OSBPL5: variants seen among roughly 807,000 people sequenced by gnomAD.
OSBPL5 encodes oxysterol binding protein like 5.
OSBPL5 carries 71 observed loss-of-function variants against 111.2 expected under a neutral mutation model. The ratio of observed to expected loss-of-function variants is 0.64; its 90% confidence interval spans 0.53 to 0.78. The LOEUF (loss-of-function observed/expected upper bound fraction) is 0.78, where lower values mean the gene tolerates loss of function less well. Ranked by LOEUF, OSBPL5 falls within the 30% of genes least tolerant of loss-of-function variation. OSBPL5 has a pLI of 0.00. For missense variants in OSBPL5, 1,210 were observed against 1,189.3 expected, an observed-to-expected ratio of 1.02 and a Z score of -0.26; for synonymous variants, 549 against 513.9, an observed-to-expected ratio of 1.07 and a Z score of -0.93.
intron 15 of OSBPL5, 136 bp downstream of exon 15, chr11:3,094,101 G>C: frequency 2.3e-6 from 2 of 866,946 alleles, no homozygotes; most frequent in Non-Finnish European, 1.8e-6. Context: ...TCTGTGTTCC[G>C]GGATGTCAAC....
chr11:3,097,443 G>A (rs1412892500), intron 14 of OSBPL5, among the ~76,000 whole-genome samples: 2 of 152,136 alleles, frequency 1.3e-5, no homozygotes, highest in Non-Finnish European at 2.9e-5. Context: ...GTAAGTTTGG[G>A]ATTCAAATCT....
At position 3,087,884 on chromosome 11, in the gene OSBPL5, T is replaced by A; in HGVS notation, c.*321A>T. On this transcript the variant is annotated 3_prime_UTR_variant, in exon 22 of 22. Transcript: ENST00000263650. ...GGCCCTCCCACCCTAAATCCATCCATCCCCCATGGCAAGTGGAGGCCGGAC... is the reference window on the plus strand; with the variant it reads ...GGCCCTCCCACCCTAAATCCATCCAACCCCCATGGCAAGTGGAGGCCGGAC... 2 of 215,618 alleles carry A rather than the reference T, an allele frequency of 9.3e-6. No homozygotes were observed. The highest frequency in any genetic ancestry group is 1.8e-5 in the Non-Finnish European group (2 of 109,950). The allele number at this position is 215,618 out of a possible 1,614,324, so 13.4% of individuals were successfully genotyped here.
Position 3,163,108 on chromosome 11 carries a change from G to A in OSBPL5, c.-22+2108C>T, listed in dbSNP as rs185985414. ...CGGCCCCTCTACAACCCCCTGTCCC[G>A]GAGGTCAGAGCTTCCAGCTCCCCAG... On this transcript the variant is annotated intron_variant, in intron 1 of 21. Transcript: ENST00000263650. 1.6e-4 allele frequency among the ~76,000 whole-genome samples: 25 copies of A among 152,292 alleles called. No homozygotes were observed. In the South Asian group the frequency reaches 2.7e-3, roughly 16 times the overall value.
At chr11:3,151,881 G>C (rs529898318) in intron 1 of OSBPL5, among the ~76,000 whole-genome samples, 79 of 152,324 alleles carry the variant, frequency 5.2e-4, no homozygotes, top group Admixed American at 1.8e-3. Context: ...CTGTTCCTCC[G>C]GCTGCTCCTG....
chr11:3,103,833 A>AGCCTCTGCTGCCCCTTCCT (rs1857583581), intron 10 of OSBPL5, among the ~76,000 whole-genome samples: 1 of 79,334 alleles, frequency 1.3e-5, no homozygotes, highest in African/African-American at 4.2e-5. Context: ...GCCCCCTTCC[A>AGCCTCTGCTGCCCCTTCCT]GCCTCTGCAG....
At chr11:3,156,152 C>T (rs1309572916) in intron 1 of OSBPL5, among the ~76,000 whole-genome samples, 2 of 152,136 alleles carry the variant, frequency 1.3e-5, no homozygotes, top group Admixed American at 1.3e-4. Context: ...CAGGCCCCAT[C>T]TCGCTGGGCT....
rs150510678 is a variant in OSBPL5, at chr11:3,096,451, T to C, written c.1622-2117A>G. Among the ~76,000 whole-genome samples the C allele has an allele frequency of 6.2e-3, 947 of 152,156 alleles. 8 individuals are homozygous for C. Among genetic ancestry groups the C allele is most frequent in the African/African-American group, 0.021 (892 of 41,496 alleles). On this transcript the variant is annotated intron_variant, in intron 14 of 21. Coordinates refer to ENST00000263650, the MANE Select transcript of OSBPL5 (RefSeq NM_020896.4). Reference sequence around the variant, plus strand: ...CTGGCCAACATGGTGAAACCCTATCTCTACTAAAAATACAAAAATTAGCTA... The same window carrying C: ...CTGGCCAACATGGTGAAACCCTATCCCTACTAAAAATACAAAAATTAGCTA...
At chr11:3,101,579 G>A in intron 13 of OSBPL5, 24 bp downstream of exon 13, 2 of 1,597,922 alleles carry the variant, frequency 1.3e-6, no homozygotes, top group Non-Finnish European at 1.7e-6. Flanking sequence ...AGGCCCCAGG[G>A]AGCGCCCAGG....
At chr11:3,103,777 CTCTGCAGT>C (rs1369903981) in intron 10 of OSBPL5, among the ~76,000 whole-genome samples, 7 of 59,756 alleles carry the variant, frequency 1.2e-4, no homozygotes, top group Non-Finnish European at 2.4e-4. Context: ...CCCTTCCAGC[CTCTGCAGT>C]CCCTTCCTGC....
At chr11:3,153,232 G>C (rs1846646480) in intron 1 of OSBPL5, among the ~76,000 whole-genome samples, 1 of 152,250 alleles carries the variant, frequency 6.6e-6, no homozygotes, top group South Asian at 2.1e-4. Flanking sequence ...TATGGCATAG[G>C]GTTGTTTCAA....
chr11:3,150,880 C>T lies in OSBPL5; in HGVS notation c.-22+14336G>A, dbSNP rs143116711. Among the ~76,000 whole-genome samples the T allele has an allele frequency of 1.1e-3, 164 of 152,308 alleles. 1 individual carries two copies. Among genetic ancestry groups the T allele is most frequent in the African/African-American group, 3.7e-3 (155 of 41,574 alleles). On this transcript the variant is annotated intron_variant, in intron 1 of 21. Coordinates refer to ENST00000263650, the MANE Select transcript of OSBPL5 (RefSeq NM_020896.4). ...CCACCCCTGGTCTTTCTACAGGTTCCGATCCTAGTCCGTCTTCCCAGGAGT... is the reference window on the plus strand; with the variant it reads ...CCACCCCTGGTCTTTCTACAGGTTCTGATCCTAGTCCGTCTTCCCAGGAGT...
Position 3,102,220 on chromosome 11 carries a change from G to C in OSBPL5, c.1388C>G (p.Pro463Arg), listed in dbSNP as rs1053543544. 3.7e-6 allele frequency: 6 copies of C among 1,609,018 alleles called. No individual in the cohort carries two copies. The Admixed American group carries it at 8.5e-5, about 23-fold the overall frequency. Residue 463 changes from proline (P) to arginine (R), a missense_variant, in exon 12 of 22, where the codon CCG becomes CGG. Coordinates refer to ENST00000263650, the MANE Select transcript of OSBPL5 (RefSeq NM_020896.4). The stretch of plus-strand genomic sequence containing the variant: ...GTAGAATGTGCGGCTGTCAGTCTGC[G>C]GGTGGAACCAGCAGCAGCGGAAGGT... ...GETFRCCWFH[P>R]QTDSRTFYIA...
At chr11:3,099,663 A>C (rs527660535) in intron 14 of OSBPL5, among the ~76,000 whole-genome samples, 74 of 152,354 alleles carry the variant, frequency 4.9e-4, no homozygotes, top group Non-Finnish European at 6.9e-4. Context: ...TTAGGTAACA[A>C]ATAGGCTGAC....
At chr11:3,122,152 G>A in intron 4 of OSBPL5, 54 bp from the exon 5 acceptor site, 1 of 1,503,332 alleles carries the variant, frequency 6.7e-7, no homozygotes, top group Non-Finnish European at 9.0e-7. Flanking sequence ...AGCTGCCCCA[G>A]CTCCTCCCAC....
chr11:3,163,207 C>T (rs1026527661), intron 1 of OSBPL5, among the ~76,000 whole-genome samples: 3 of 152,170 alleles, frequency 2.0e-5, no homozygotes, highest in Admixed American at 1.3e-4. Context: ...TTCACCTGTC[C>T]CTTGAACAAT....
chr11:3,157,681 G>A lies in OSBPL5; in HGVS notation c.-22+7535C>T, dbSNP rs547351840. On this transcript the variant is annotated intron_variant, in intron 1 of 21. Coordinates refer to ENST00000263650, the MANE Select transcript of OSBPL5 (RefSeq NM_020896.4). ...ATGGAGCAGAGATGAAGGCGGCCCC[G>A]CCCTCGGCCGGCTGGGGACTGAGTA... Among the ~76,000 whole-genome samples the A allele has an allele frequency of 3.4e-4, 52 of 152,354 alleles. No individual in the cohort carries two copies. The Middle Eastern group carries it at 0.01, about 30-fold the overall frequency.
Position 3,093,034 on chromosome 11 carries a change from G to T in OSBPL5, c.1965C>A (p.Thr655=), listed in dbSNP as rs771885540. Residue 655 remains threonine, a synonymous_variant, in exon 18 of 22, where the codon ACC becomes ACA. Transcript: ENST00000263650. ...GCTGGTCGCCCTTGCTGATGGCCCT[G>T]GTGACGTGCTGCCAGAGCCTGCGGG... is the stretch of plus-strand genomic sequence containing the variant. ...LESERLWQHV[T]RAISKGDQHR... 6.3e-7 allele frequency: 1 copy of T among 1,591,220 alleles called. No homozygotes were observed. Among genetic ancestry groups the T allele is most frequent in the Non-Finnish European group, 8.5e-7 (1 of 1,169,614 alleles).
chr11:3,125,851 G>A lies in OSBPL5; in HGVS notation c.219+622C>T, dbSNP rs144876937. ...CAAAAAATTGGCCGGCCGTGGTGGC[G>A]GGCACCTGTAGTCCCAGCTCCTCGG... On this transcript the variant is annotated intron_variant, in intron 3 of 21. Transcript: ENST00000263650. Among the ~76,000 whole-genome samples the A allele has an allele frequency of 7.4e-3, 1,127 of 151,606 alleles. 13 individuals are homozygous for A. The highest frequency in any genetic ancestry group is 0.02 in the African/African-American group (807 of 41,262).
chr11:3,160,836 A>G (rs893150486), intron 1 of OSBPL5: 5 of 152,162 alleles, frequency 3.3e-5, no homozygotes, highest in African/African-American at 9.7e-5. Context: ...GGACAAAGGC[A>G]CGGGCGACAG....
Sources: gnomAD v4.1 joint callset for allele counts (sites outside exome capture counted in the v4.1 genomes callset) on GRCh38, gnomAD v4.1.1 for gene constraint, MANE v1.5 for transcripts, NCBI Gene and HGNC (gene_info 2026-07-23, HGNC 2026-07-21) for gene names.